The following CDHR4 variants were observed in gnomAD, a reference collection of about 807,000 sequenced individuals.
CDHR4 encodes cadherin related family member 4.
A neutral mutation model predicts 88.4 loss-of-function variants in CDHR4; 89 were observed. That is an observed-to-expected ratio of 1.01 (90% CI 0.85 to 1.20). The LOEUF (loss-of-function observed/expected upper bound fraction) is 1.20, where lower values mean the gene tolerates loss of function less well. Ranked by LOEUF, CDHR4 falls within the 50% of genes most tolerant of loss-of-function variation. CDHR4 has a pLI of 0.00. For missense variants in CDHR4, 914 were observed against 1,007.2 expected (o/e 0.91, Z 1.25); for synonymous variants, 368 against 399.2 (o/e 0.92, Z 0.93).
In CDHR4 at chr3:49,791,893, G is replaced by A. The variant is rs62260715; in HGVS notation, c.2195+10C>T. The A allele has an allele frequency of 0.29, 450,669 of 1,551,430 alleles. 69,530 individuals are homozygous for A. Among genetic ancestry groups the A allele is most frequent in the Non-Finnish European group, 0.32 (364,887 of 1,146,832 alleles). On this transcript the variant is annotated intron_variant, in intron 16 of 18. Transcript: ENST00000412678. ...GATCCCAGGCATAGAAGTATGCAAA[G>A]GAGACTGACCTGTTTAGCAGCAAAG...
intron 15 of CDHR4, among the ~76,000 whole-genome samples, chr3:49,792,249 T>A (rs1185881774): frequency 6.6e-6 from 1 of 152,158 alleles, no homozygotes; most frequent in Non-Finnish European, 1.5e-5. Context: ...CCTCCTCCCA[T>A]TCCAAGACTG....
Position 49,792,407 on chromosome 3 carries a change from C to A in CDHR4, c.2138+61G>T, listed in dbSNP as rs2081192559. ...TCTAATCTTGGGTGAAACCACCCAT[C>A]ACAACTGGGGTCCATAGGTGGGTTG... On this transcript the variant is annotated intron_variant, in intron 15 of 18. Coordinates refer to ENST00000412678, the MANE Select transcript of CDHR4 (RefSeq NM_001007540.4). 6 of 1,535,418 alleles carry A rather than the reference C, an allele frequency of 3.9e-6. No individual in the cohort carries two copies. In the East Asian group the frequency reaches 1.5e-4, roughly 38 times the overall value.
At chr3:49,792,285 T>C (rs959679709) in intron 15 of CDHR4, among the ~76,000 whole-genome samples, 183 bp downstream of exon 15, 8 of 152,118 alleles carry the variant, frequency 5.3e-5, no homozygotes, top group Non-Finnish European at 8.8e-5. Context: ...GGAAGTTGCT[T>C]CCTCCCAGTG....
At chr3:49,798,684 G>T in intron 4 of CDHR4, 142 bp downstream of exon 4, 1 of 745,046 alleles carries the variant, frequency 1.3e-6, no homozygotes, top group South Asian at 1.8e-5. Context: ...CTCTCTCCAA[G>T]AACATACATC....
chr3:49,791,923 G>C lies in CDHR4; in HGVS notation c.2175C>G (p.Ala725=), dbSNP rs1342013384. ...CTGACCTGTTTAGCAGCAAAGCCTG[G>C]GCTGGTTTGCTGGGTGCTTGCAGCA... ...AQLLQAPSKP[A]QALLLNSIQG... Residue 725 remains alanine, a synonymous_variant, in exon 16 of 19, where the codon GCC becomes GCG. Transcript: ENST00000412678. The C allele has an allele frequency of 3.2e-6, 5 of 1,551,720 alleles. No homozygotes were observed. In the East Asian group the frequency reaches 9.8e-5, roughly 30 times the overall value.
chr3:49,792,387 T>A, intron 15 of CDHR4, 81 bp downstream of exon 15: 1 of 1,506,632 alleles, frequency 6.6e-7, no homozygotes, highest in Non-Finnish European at 8.9e-7. Flanking sequence ...TGTCATCTAA[T>A]CTTGGGTGAA....
chr3:49,793,887 C>A lies in CDHR4; in HGVS notation c.1399G>T (p.Gly467Cys), dbSNP rs1337661787. 3.9e-6 allele frequency: 6 copies of A among 1,551,656 alleles called. No individual in the cohort carries two copies. Among genetic ancestry groups the A allele is most frequent in the Non-Finnish European group, 5.2e-6 (6 of 1,147,010 alleles). ...TCATGAGGGTAATCCATATCCGTGCCCACCACGGAGCCCAGTAGAGTGTGG... is the reference window on the plus strand; with the variant it reads ...TCATGAGGGTAATCCATATCCGTGCACACCACGGAGCCCAGTAGAGTGTGG... ...APHTLLGSVV[G>C]TDMDYPHDNI... Residue 467 changes from glycine (G) to cysteine (C), a missense_variant, in exon 11 of 19, where the codon GGC becomes TGC. Gly to Cys is a radical substitution (Grantham distance 159). Coordinates refer to ENST00000412678, the MANE Select transcript of CDHR4 (RefSeq NM_001007540.4).
upstream of CDHR4, among the ~76,000 whole-genome samples, chr3:49,802,600 TAC>T (rs985866349): frequency 6.6e-6 from 1 of 152,232 alleles, no homozygotes; most frequent in African/African-American, 2.4e-5. Context: ...TGTCTGCAGC[TAC>T]ACTACCCTTG....
Position 49,798,888 on chromosome 3 carries a change from C to G in CDHR4, c.433G>C (p.Val145Leu), listed in dbSNP as rs972203682. ...AGEMIQVPET[V>L]TPGARLYTLL... is the part of the protein sequence containing the mutation. ...GTGTACAGCCGAGCCCCAGGTGTGA[C>G]TGTCTCTGGCACCTGAATCATTTCC... The change falls in exon 4 of 19, where the codon GTC (valine) becomes CTC (leucine). Residue 145 changes from valine (V) to leucine (L), a missense_variant. Val to Leu is a conservative substitution (Grantham distance 32). Coordinates refer to ENST00000412678, the MANE Select transcript of CDHR4 (RefSeq NM_001007540.4). 5.0e-6 allele frequency: 8 copies of G among 1,613,878 alleles called. No homozygotes were observed. The highest frequency in any genetic ancestry group is 5.9e-6 in the Non-Finnish European group (7 of 1,179,854).
chr3:49,791,563 G>A, intron 17 of CDHR4, 95 bp from the exon 18 acceptor site: 1 of 1,486,118 alleles, frequency 6.7e-7, no homozygotes, highest in Non-Finnish European at 9.1e-7. Flanking sequence ...AAGCCCACCT[G>A]CCTCCTCCAT....
intron 10 of CDHR4, 108 bp from the exon 11 acceptor site, chr3:49,794,114 G>T (rs2108280178): frequency 1.8e-6 from 2 of 1,136,882 alleles, no homozygotes; most frequent in Admixed American, 2.3e-5. Flanking sequence ...GAGTGAGAGG[G>T]TCTGCTGGGC....
At chr3:49,798,246 T>C (rs2108288071) in intron 4 of CDHR4, 1 of 147,876 alleles carries the variant, frequency 6.8e-6, no homozygotes, top group Middle Eastern at 3.5e-3. Flanking sequence ...ACAGAAATGA[T>C]ACAGAATTGT....
Position 49,796,085 on chromosome 3 carries a change from T to C in CDHR4, c.607-39A>G. The C allele has an allele frequency of 4.2e-6, 6 of 1,417,520 alleles. No individual in the cohort carries two copies. The South Asian group carries it at 5.8e-5, about 14-fold the overall frequency. 87.8% of individuals were successfully genotyped at this position (1,417,520 alleles called of 1,614,324 possible). On this transcript the variant is annotated intron_variant, in intron 5 of 18. Coordinates refer to ENST00000412678, the MANE Select transcript of CDHR4 (RefSeq NM_001007540.4). ...AGAACAGAAAAGGAGCCAGATTGTG[T>C]GTGTCCACCTCTTTGTCTATGCCCA...
intron 16 of CDHR4, 32 bp from the exon 17 acceptor site, chr3:49,791,833 A>G: frequency 1.3e-6 from 2 of 1,551,612 alleles, no homozygotes; most frequent in Admixed American, 3.9e-5. Context: ...AGTACAGGGC[A>G]AGGCTCTGGG....
Position 49,795,045 on chromosome 3 carries a change from C to T in CDHR4, c.1087G>A (p.Glu363Lys), listed in dbSNP as rs752949287. 470 of 1,551,542 alleles carry T rather than the reference C, an allele frequency of 3.0e-4. No individual in the cohort carries two copies. The highest frequency in any genetic ancestry group is 4.0e-4 in the Non-Finnish European group (459 of 1,146,996). The change falls in exon 9 of 19, where the codon GAA becomes AAA. Residue 363 changes from glutamate to lysine, a missense_variant. Glu to Lys is a moderately conservative substitution (Grantham distance 56). Transcript: ENST00000412678. The surrounding 1 kb of genome is among the most constrained non-coding windows in gnomAD (Gnocchi z 5.4). ...VGTVLNTLTC[E>K]DPDSVGATLD... The stretch of plus-strand genomic sequence containing the variant: ...GTGGCACCAACAGAGTCCGGATCTT[C>T]GCAAGTGAGAGTATTCAGCACGGTG...
Position 49,792,982 on chromosome 3 carries a change from AG to A in CDHR4, c.1866del (p.Tyr623MetfsTer4). On this transcript the variant is annotated frameshift_variant, in exon 14 of 19. Transcript: ENST00000412678. LOFTEE classifies it high-confidence loss of function. ...TCGGCCACACAGATCAGTAGCTCAT[AG>A]GTACGGGGCTGCTCTGGCCAGAACG... The part of the protein sequence containing the change: ...LGPFWPEQPR[T>X]YELLICVADA... 1 of 1,551,700 alleles carries A rather than the reference AG, an allele frequency of 6.4e-7. No individual in the cohort carries two copies. The highest frequency in any genetic ancestry group is 8.7e-7 in the Non-Finnish European group (1 of 1,146,976).
chr3:49,793,266 G>A lies in CDHR4; in HGVS notation c.1669C>T (p.Leu557Phe), dbSNP rs2081210739. Reference sequence around the variant, plus strand: ...CGGCCCAGAGGAGCATAGATGGTGAGTTCCTGAAATGGGGGCTCACACTCG... The same window carrying A: ...CGGCCCAGAGGAGCATAGATGGTGAATTCCTGAAATGGGGGCTCACACTCG... ...APECEPPFQELTIYAPLGRSV... is the reference protein window; with the variant it reads ...APECEPPFQEFTIYAPLGRSV... Residue 557 changes from leucine (L) to phenylalanine (F), a missense_variant, in exon 13 of 19, where the codon CTC becomes TTC. By Grantham distance (22) the Leu-to-Phe change is conservative (BLOSUM62 0). Coordinates refer to ENST00000412678, the MANE Select transcript of CDHR4 (RefSeq NM_001007540.4). The A allele has an allele frequency of 1.3e-6, 2 of 1,551,668 alleles. No homozygotes were observed. Among genetic ancestry groups the A allele is most frequent in the South Asian group, 1.2e-5 (1 of 84,068 alleles).
At position 49,796,037 on chromosome 3, in the gene CDHR4, G is replaced by A; in HGVS notation, c.616C>T (p.Leu206=). 1.3e-6 allele frequency: 2 copies of A among 1,526,076 alleles called. No individual in the cohort carries two copies. Among genetic ancestry groups the A allele is most frequent in the Non-Finnish European group, 1.8e-6 (2 of 1,137,058 alleles). The allele number at this position is 1,526,076 out of a possible 1,614,324, so 94.5% of individuals were successfully genotyped here. A position where few individuals can be genotyped will look rare whatever the true frequency, so the allele number is the denominator to read the frequency against. The part of the protein sequence containing the change: ...LLGQAQKVFQ[L]QISVSFGQRQ... Reference sequence around the variant, plus strand: ...TGTCCAAAGGACACTGAGATTTGCAGCTGGAAGACCTGTGGTGCACCCAGA... The same window carrying A: ...TGTCCAAAGGACACTGAGATTTGCAACTGGAAGACCTGTGGTGCACCCAGA... The change falls in exon 6 of 19, where the codon CTG becomes TTG. Residue 206 remains leucine (L), a synonymous_variant. Transcript: ENST00000412678.
intron 18 of CDHR4, 80 bp from the exon 19 acceptor site, chr3:49,790,967 GTA>G: frequency 8.6e-7 from 1 of 1,169,204 alleles, no homozygotes; most frequent in Non-Finnish European, 1.2e-6. Context: ...TTACTTAAGG[GTA>G]GGAGATTATT....
Sources: gnomAD v4.1 joint callset for allele counts (sites outside exome capture counted in the v4.1 genomes callset) on GRCh38, gnomAD v4.1.1 for gene constraint, Gnocchi (gnomAD v3.1) non-coding constraint, MANE v1.5 for transcripts, NCBI Gene and HGNC (gene_info 2026-07-23, HGNC 2026-07-21) for gene names.